PHC3: variants seen among roughly 807,000 people sequenced by gnomAD.
PHC3 encodes polyhomeotic-like protein 3.
A neutral mutation model predicts 107.4 loss-of-function variants in PHC3; 13 were observed. The ratio of observed to expected loss-of-function variants is 0.12; its 90% confidence interval spans 0.08 to 0.19. The LOEUF is 0.19. PHC3 is among the 10% of genes least tolerant of loss of function. The pLI, the probability that PHC3 is intolerant of heterozygous loss-of-function variation, is 1.00. For missense variants in PHC3, 992 were observed against 1,210.9 expected, an observed-to-expected ratio of 0.82 and a Z score of 2.68; for synonymous variants, 456 against 427.4, an observed-to-expected ratio of 1.07 and a Z score of -0.83.
At chr3:170,160,303 A>G (rs1727674507) in intron 4 of PHC3, among the ~76,000 whole-genome samples, 1 of 152,228 alleles carries the variant, frequency 6.6e-6, no homozygotes, top group African/African-American at 2.4e-5. Flanking sequence ...CTACTATAAT[A>G]CAATCCTCAA....
rs368119440 is a variant in PHC3 at position 170,136,210 on chromosome 3, A to T, written c.919+209T>A. 1,330 of 537,252 alleles carry T rather than the reference A, an allele frequency of 2.5e-3. 14 individuals are homozygous for T. The highest frequency in any genetic ancestry group is 0.015 in the South Asian group (591 of 38,130). 33.3% of individuals were successfully genotyped at this position (537,252 alleles called of 1,614,324 possible). On this transcript the variant is annotated intron_variant, in intron 7 of 14. Coordinates refer to ENST00000495893, the MANE Select transcript of PHC3 (RefSeq NM_024947.4). Reference sequence around the variant, plus strand: ...TGATAATCAAATGTAATTTGATTTTAAAAAACCTATTATATTGTTACAATT... The same window carrying T: ...TGATAATCAAATGTAATTTGATTTTTAAAAACCTATTATATTGTTACAATT...
At chr3:170,145,577 A>C (rs1450922373) in intron 5 of PHC3, 56 bp from the exon 6 acceptor site, 6 of 1,282,760 alleles carry the variant, frequency 4.7e-6, no homozygotes, top group Non-Finnish European at 4.5e-6. Context: ...TGTCCCACAC[A>C]CAATGTGTAG....
At chr3:170,152,402 G>A (rs1298642400) in intron 4 of PHC3, among the ~76,000 whole-genome samples, 1 of 145,934 alleles carries the variant, frequency 6.9e-6, no homozygotes, top group African/African-American at 2.5e-5. Flanking sequence ...TAGGCAGGAT[G>A]GTCTCAATCT....
In PHC3 at chr3:170,097,141, T is replaced by C; in HGVS notation, c.*89A>G. The C allele has an allele frequency of 1.5e-6, 2 of 1,299,232 alleles. No individual in the cohort carries two copies. Among genetic ancestry groups the C allele is most frequent in the Non-Finnish European group, 2.1e-6 (2 of 964,916 alleles). The allele number at this position is 1,299,232 out of a possible 1,614,324, so 80.5% of individuals were successfully genotyped here. A position where few individuals can be genotyped will look rare whatever the true frequency, so the allele number is the denominator to read the frequency against. ...GTGCTTGGCTATCCACCACAATAAG[T>C]GTCATATTCTAGACCAAGTTAGGCC... On this transcript the variant is annotated 3_prime_UTR_variant, in exon 15 of 15. Coordinates refer to ENST00000495893, the MANE Select transcript of PHC3 (RefSeq NM_024947.4). The surrounding 1 kb of genome is among the most constrained non-coding windows in gnomAD (Gnocchi z 4.1).
rs144587004 is a variant in PHC3 at position 170,181,540 on chromosome 3, C to T, written c.14+162G>A. 164 of 1,045,968 alleles carry T rather than the reference C, an allele frequency of 1.6e-4. 1 individual carries two copies. The African/African-American group carries it at 2.1e-3, about 13-fold the overall frequency. 64.8% of individuals were successfully genotyped at this position (1,045,968 alleles called of 1,614,324 possible). Reference sequence around the variant, plus strand: ...TGGACCCTAGAGTTCGTCTTCGCCCCGCGACACGGGCCTAGCCGGCTCCTC... The same window carrying T: ...TGGACCCTAGAGTTCGTCTTCGCCCTGCGACACGGGCCTAGCCGGCTCCTC... On this transcript the variant is annotated intron_variant, in intron 1 of 14. Transcript: ENST00000495893.
chr3:170,164,021 G>A (rs62295782), intron 4 of PHC3, among the ~76,000 whole-genome samples: 58 of 152,130 alleles, frequency 3.8e-4, no homozygotes, highest in Non-Finnish European at 8.1e-4. Flanking sequence ...GCAAGACAGC[G>A]AGACCCCTTC....
chr3:170,123,774 C>G (rs1043018550), intron 8 of PHC3, among the ~76,000 whole-genome samples: 1 of 151,772 alleles, frequency 6.6e-6, no homozygotes, highest in Non-Finnish European at 1.5e-5. Context: ...GCCTGGGTAA[C>G]AGAGTGAGAC....
At chr3:170,127,182 T>G (rs1012201294) in intron 8 of PHC3, among the ~76,000 whole-genome samples, 1 of 152,190 alleles carries the variant, frequency 6.6e-6, no homozygotes, top group African/African-American at 2.4e-5. Context: ...TTTAAAAATT[T>G]TTCTTTCCTT....
chr3:170,171,488 C>T (rs1427202683), intron 3 of PHC3, 38 bp from the exon 4 acceptor site: 2 of 1,449,070 alleles, frequency 1.4e-6, no homozygotes, highest in Admixed American at 4.7e-5. Flanking sequence ...TCGGTAAAAA[C>T]CTGAAGTTAA....
At position 170,096,151 on chromosome 3, in the gene PHC3, T is replaced by C. The variant is rs1459675787; in HGVS notation, c.*1079A>G. 8 of 152,116 alleles carry C rather than the reference T, an allele frequency of 5.3e-5. No homozygotes were observed. The highest frequency in any genetic ancestry group is 1.2e-4 in the Non-Finnish European group (8 of 68,018). 9.4% of individuals were successfully genotyped at this position (152,116 alleles called of 1,614,324 possible). A position where few individuals can be genotyped will look rare whatever the true frequency, so the allele number is the denominator to read the frequency against. ...TAGTACTTTCTGAGAGTTAAATTATTTGCATGTTTGTCCTTATTTTATAGG... is the reference window on the plus strand; with the variant it reads ...TAGTACTTTCTGAGAGTTAAATTATCTGCATGTTTGTCCTTATTTTATAGG... On this transcript the variant is annotated 3_prime_UTR_variant, in exon 15 of 15. Transcript: ENST00000495893.
At chr3:170,168,698 G>A (rs1729114355) in intron 4 of PHC3, among the ~76,000 whole-genome samples, 2 of 141,430 alleles carry the variant, frequency 1.4e-5, no homozygotes, top group African/African-American at 5.3e-5. Flanking sequence ...AGCTTGCGGT[G>A]AGCCGAGATC....
At chr3:170,108,402 AC>A (rs1716987730) in intron 11 of PHC3, among the ~76,000 whole-genome samples, 1 of 152,196 alleles carries the variant, frequency 6.6e-6, no homozygotes, top group African/African-American at 2.4e-5. Flanking sequence ...TACTAAAAAA[AC>A]AAACTGTGAA....
intron 12 of PHC3, 45 bp downstream of exon 12, chr3:170,106,787 T>C (rs371374745): frequency 4.3e-6 from 6 of 1,410,760 alleles, no homozygotes; most frequent in Admixed American, 2.2e-5. Flanking sequence ...TTAGTTGCAA[T>C]GGCTATTTAT....
chr3:170,160,505 A>G (rs1178555033), intron 4 of PHC3, among the ~76,000 whole-genome samples: 1 of 152,262 alleles, frequency 6.6e-6, no homozygotes, highest in Admixed American at 6.5e-5. Flanking sequence ...ATGGGCAACC[A>G]AAGAATCTCA....
chr3:170,117,130 A>C, intron 10 of PHC3, 96 bp downstream of exon 10: 1 of 1,458,442 alleles, frequency 6.9e-7, no homozygotes. Flanking sequence ...TCTTGAAATA[A>C]AATTACAAGC....
At chr3:170,137,664 C>T (rs371736958) in intron 6 of PHC3, among the ~76,000 whole-genome samples, 20 of 152,316 alleles carry the variant, frequency 1.3e-4, no homozygotes, top group African/African-American at 4.1e-4. Context: ...TTTGGGAAAT[C>T]GAGGCAGGCA....
At chr3:170,173,595 T>C (rs1235235696) in intron 2 of PHC3, among the ~76,000 whole-genome samples, 2 of 152,236 alleles carry the variant, frequency 1.3e-5, no homozygotes, top group Non-Finnish European at 2.9e-5. Context: ...TTGAGTTAAT[T>C]TTAAATTGAA....
At chr3:170,151,612 TAC>T (rs1725991911) in intron 4 of PHC3, among the ~76,000 whole-genome samples, 1 of 152,206 alleles carries the variant, frequency 6.6e-6, no homozygotes, top group Admixed American at 6.5e-5. Context: ...AGGGGAGGGC[TAC>T]AAGTCAAATC....
In PHC3 at chr3:170,090,992, G is replaced by C. The variant is rs1241521312; in HGVS notation, c.*6238C>G. 6.6e-6 allele frequency: 1 copy of C among 152,022 alleles called. No homozygotes were observed. The highest frequency in any genetic ancestry group is 2.4e-5 in the African/African-American group (1 of 41,378). The allele number at this position is 152,022 out of a possible 1,614,324, so 9.4% of individuals were successfully genotyped here. A position where few individuals can be genotyped will look rare whatever the true frequency, so the allele number is the denominator to read the frequency against. On this transcript the variant is annotated 3_prime_UTR_variant, in exon 15 of 15. Coordinates refer to ENST00000495893, the MANE Select transcript of PHC3 (RefSeq NM_024947.4). ...ACTAGACACTTCTGGTTTACTTTAG[G>C]CAAGACTAAAAAATTCTTTCTAAAA...
Sources: allele counts gnomAD v4.1 joint callset (sites outside exome capture counted in the v4.1 genomes callset), GRCh38; gene constraint gnomAD v4.1.1; non-coding constraint Gnocchi (gnomAD v3.1); transcripts MANE v1.5; gene names NCBI Gene and HGNC (gene_info 2026-07-23, HGNC 2026-07-21).